LDB1: variants seen among roughly 807,000 people sequenced by gnomAD.
LDB1 encodes the protein LIM domain-binding protein 1.
LDB1 carries 6 observed loss-of-function variants against 49.7 expected under a neutral mutation model. The ratio of observed to expected loss-of-function variants is 0.12; its 90% CI spans 0.07 to 0.24. The LOEUF is 0.24. LDB1 is among the 10% of genes least tolerant of loss of function. The pLI is 1.00. For missense variants in LDB1, 341 were observed against 561.7 expected (o/e 0.61, Z 3.97); for synonymous variants, 233 against 202.0 (o/e 1.15, Z -1.30).
chr10:102,113,607 T>G (rs141529128), intron 1 of LDB1, among the ~76,000 whole-genome samples: 1 of 152,032 alleles, frequency 6.6e-6, no homozygotes, highest in African/African-American at 2.4e-5. Context: ...AAGAGTAGAT[T>G]CTCAGACCTG....
At chr10:102,118,507 C>A (rs184333110) in intron 1 of LDB1, among the ~76,000 whole-genome samples, 375 of 152,306 alleles carry the variant, frequency 2.5e-3, no homozygotes, top group Non-Finnish European at 4.3e-3. Context: ...CTCTCTCCTC[C>A]CACTGGACCC....
downstream of LDB1, among the ~76,000 whole-genome samples, chr10:102,104,331 C>G (rs766666746): frequency 6.6e-6 from 1 of 152,162 alleles, no homozygotes. Context: ...CAGACACATA[C>G]GTAAACATAT....
chr10:102,111,751 T>C (rs1225498511), intron 1 of LDB1, among the ~76,000 whole-genome samples: 1 of 152,156 alleles, frequency 6.6e-6, no homozygotes, highest in African/African-American at 2.4e-5. Flanking sequence ...CTTGGGAGGC[T>C]GAGGCAGGAG....
intron 1 of LDB1, among the ~76,000 whole-genome samples, chr10:102,113,779 C>A (rs189047777): frequency 0.1 from 14,178 of 135,380 alleles, 1,689 homozygotes; most frequent in African/African-American, 0.32. Flanking sequence ...AAAAAAAAAA[C>A]TCTCAGAGCC....
At chr10:102,112,239 G>T (rs1317290160) in intron 1 of LDB1, among the ~76,000 whole-genome samples, 2 of 152,186 alleles carry the variant, frequency 1.3e-5, no homozygotes, top group African/African-American at 4.8e-5. Context: ...ACAACCTTAT[G>T]AGGTAGCAGG....
chr10:102,118,131 C>CT (rs2068357606), intron 1 of LDB1, among the ~76,000 whole-genome samples: 1 of 152,124 alleles, frequency 6.6e-6, no homozygotes, highest in African/African-American at 2.4e-5. Flanking sequence ...CCATGCCTTC[C>CT]TTGTGTTCAA....
In LDB1 at chr10:102,109,454, G is replaced by A. The variant is rs2133503728; in HGVS notation, c.786C>T (p.Tyr262=). The change falls in exon 9 of 11, where the codon TAC becomes TAT. Residue 262 remains tyrosine, a synonymous_variant. Coordinates refer to ENST00000673968, the MANE Select transcript of LDB1 (RefSeq NM_001113407.3). The surrounding 1 kb of genome is among the most constrained non-coding windows in gnomAD (Gnocchi z 5.8). The stretch of plus-strand genomic sequence containing the variant: ...TGAGGCAGTCGCGGGGGCTGAGGCT[G>A]TAGGTCTTGTGGCGTGACATGAGCT... ...MQELMSRHKT[Y]SLSPRDCLKT... is the part of the protein sequence containing the mutation. 6.2e-7 allele frequency: 1 copy of A among 1,614,216 alleles called. No individual in the cohort carries two copies. Among genetic ancestry groups the A allele is most frequent in the Non-Finnish European group, 8.5e-7 (1 of 1,180,034 alleles).
In LDB1 at chr10:102,107,128, C is replaced by G. The variant is rs1441932634; in HGVS notation, c.*965G>C. 2.6e-5 allele frequency among the ~76,000 whole-genome samples: 4 copies of G among 152,158 alleles called. No homozygotes were observed. The highest frequency in any genetic ancestry group is 5.9e-5 in the Non-Finnish European group (4 of 68,028). On this transcript the variant is annotated 3_prime_UTR_variant, in exon 11 of 11. Coordinates refer to ENST00000673968, the MANE Select transcript of LDB1 (RefSeq NM_001113407.3). ...CCAAAAATACAGCAACAAGGCTGCT[C>G]CCTTCTCTCCACGCTCCCTAAGGGA...
intron 1 of LDB1, chr10:102,114,487 G>C (rs965331467): frequency 7.1e-6 from 7 of 986,168 alleles, no homozygotes; most frequent in Non-Finnish European, 8.4e-6. Context: ...GAGGGCTGAC[G>C]GGGGGACAAC....
chr10:102,119,068 TGTGGGGGAGTG>T, intron 1 of LDB1, among the ~76,000 whole-genome samples: 1 of 152,144 alleles, frequency 6.6e-6, no homozygotes, highest in East Asian at 1.9e-4. Flanking sequence ...CTTGGGGATT[TGTGGGGGAGTG>T]GTGGGTGTCC....
In LDB1 at chr10:102,110,516, C is replaced by T. The variant is rs766479693; in HGVS notation, c.525+13G>A. The T allele has an allele frequency of 4.4e-6, 7 of 1,605,330 alleles. No homozygotes were observed. Among genetic ancestry groups the T allele is most frequent in the Non-Finnish European group, 1.7e-6 (2 of 1,175,536 alleles). On this transcript the variant is annotated intron_variant, in intron 6 of 10. Transcript: ENST00000673968. ...AGGTGCCATGGTGTTCCACATCCAGCTGGGTTGCTGACCTGGGTGAACATG... is the reference window on the plus strand; with the variant it reads ...AGGTGCCATGGTGTTCCACATCCAGTTGGGTTGCTGACCTGGGTGAACATG...
chr10:102,110,790 C>T (rs2068240911), intron 5 of LDB1, 79 bp downstream of exon 5: 1 of 1,576,650 alleles, frequency 6.3e-7, no homozygotes, highest in Non-Finnish European at 8.7e-7. Flanking sequence ...TATCCCCTGG[C>T]ACTCCCAGAC....
intron 1 of LDB1, among the ~76,000 whole-genome samples, chr10:102,116,614 A>T (rs1485850736): frequency 6.6e-6 from 1 of 152,196 alleles, no homozygotes; most frequent in Non-Finnish European, 1.5e-5. Context: ...AAACTGTGTT[A>T]TAACCCCTAA....
intron 1 of LDB1, among the ~76,000 whole-genome samples, chr10:102,118,753 T>A (rs2068364571): frequency 6.6e-6 from 1 of 152,096 alleles, no homozygotes; most frequent in Admixed American, 6.6e-5. Flanking sequence ...GTACCCAGCA[T>A]GGGTCAATTA....
At chr10:102,113,043 C>T (rs889096904) in intron 1 of LDB1, among the ~76,000 whole-genome samples, 1 of 152,196 alleles carries the variant, frequency 6.6e-6, no homozygotes, top group Non-Finnish European at 1.5e-5. Context: ...TAAAACTCGA[C>T]TGCATTTGGA....
chr10:102,102,287 G>A (rs2068127934), downstream of LDB1, among the ~76,000 whole-genome samples: 1 of 152,208 alleles, frequency 6.6e-6, no homozygotes, highest in African/African-American at 2.4e-5. Context: ...AGTGTGTCAT[G>A]AACCAAGGTT....
intron 1 of LDB1, among the ~76,000 whole-genome samples, chr10:102,115,132 C>A (rs1368302906): frequency 6.6e-6 from 1 of 152,104 alleles, no homozygotes; most frequent in African/African-American, 2.4e-5. Flanking sequence ...AAAAGAGAGA[C>A]AGAGACTGGG....
chr10:102,120,637 C>T (rs977977046), upstream of LDB1, among the ~76,000 whole-genome samples: 10 of 152,106 alleles, frequency 6.6e-5, no homozygotes, highest in African/African-American at 2.2e-4. Context: ...GGGCTGGGAG[C>T]GCTCGGGGAA....
downstream of LDB1, among the ~76,000 whole-genome samples, chr10:102,105,071 A>G (rs1247245104): frequency 6.6e-6 from 1 of 152,204 alleles, no homozygotes; most frequent in Non-Finnish European, 1.5e-5. Flanking sequence ...CTGCACATAT[A>G]AACAGATCCA....
Sources: gnomAD v4.1 joint callset for allele counts (sites outside exome capture counted in the v4.1 genomes callset) on GRCh38, gnomAD v4.1.1 for gene constraint, Gnocchi (gnomAD v3.1) non-coding constraint, MANE v1.5 for transcripts, NCBI Gene and HGNC (gene_info 2026-07-23, HGNC 2026-07-21) for gene names.